The following GFOD2 variants were observed in gnomAD, a reference collection of about 807,000 sequenced individuals.
The protein encoded by GFOD2 is Gfo/Idh/MocA-like oxidoreductase domain containing 2.
A neutral mutation model predicts 24.6 loss-of-function variants in GFOD2; 9 were observed. The ratio of observed to expected loss-of-function variants is 0.37; its 90% CI spans 0.22 to 0.64. GFOD2 has a LOEUF of 0.64. Ranked by LOEUF, GFOD2 falls within the 30% of genes least tolerant of loss-of-function variation. The probability of loss-of-function intolerance (pLI) is 0.65; values close to 1 mark genes in which losing one functional copy is unlikely to be tolerated. For missense variants in GFOD2, 476 were observed against 532.5 expected, an observed-to-expected ratio of 0.89 and a Z score of 1.04; for synonymous variants, 211 against 224.8, an observed-to-expected ratio of 0.94 and a Z score of 0.55.
At chr16:67,680,376 GGATGACACAGCA>G (rs1330120392) in intron 2 of GFOD2, 1 of 152,330 alleles carries the variant, frequency 6.6e-6, no homozygotes, top group Non-Finnish European at 1.5e-5. Context: ...ACTCCAGCGT[GGATGACACAGCA>G]AGACTCTGTC....
intron 1 of GFOD2, among the ~76,000 whole-genome samples, chr16:67,700,403 A>G (rs2053393563): frequency 6.6e-6 from 1 of 151,918 alleles, no homozygotes; most frequent in Non-Finnish European, 1.5e-5. Context: ...TTAATTTAAA[A>G]AATAAAATCA....
intron 1 of GFOD2, among the ~76,000 whole-genome samples, chr16:67,711,601 C>T (rs577719875): frequency 3.9e-5 from 6 of 152,262 alleles, no homozygotes; most frequent in East Asian, 1.9e-4. Flanking sequence ...TGCAAACAAC[C>T]GCCTATTAAC....
At chr16:67,687,507 G>A (rs1385664915) in intron 1 of GFOD2, among the ~76,000 whole-genome samples, 2 of 151,820 alleles carry the variant, frequency 1.3e-5, no homozygotes, top group Non-Finnish European at 2.9e-5. Flanking sequence ...CAGTTGTGGT[G>A]GTGGGTGCCT....
intron 1 of GFOD2, among the ~76,000 whole-genome samples, chr16:67,713,746 A>C (rs1362932113): frequency 6.6e-6 from 1 of 152,142 alleles, no homozygotes; most frequent in South Asian, 2.1e-4. Context: ...TTAACTAGGC[A>C]TGATTGATTA....
At chr16:67,693,285 G>GT (rs113766618) in intron 1 of GFOD2, among the ~76,000 whole-genome samples, 7,286 of 142,876 alleles carry the variant, frequency 0.051, 425 homozygotes, top group African/African-American at 0.15. Context: ...GGCTTTTTGG[G>GT]TTTTTTTTTT....
At chr16:67,705,004 G>C (rs188990781) in intron 1 of GFOD2, among the ~76,000 whole-genome samples, 1 of 152,130 alleles carries the variant, frequency 6.6e-6, no homozygotes, top group Non-Finnish European at 1.5e-5. Flanking sequence ...TCTGAGACCC[G>C]TGGGATGTAA....
In GFOD2 at chr16:67,675,501, T is replaced by C. The variant is rs1198208085; in HGVS notation, c.812A>G (p.Lys271Arg). The C allele has an allele frequency of 1.2e-6, 2 of 1,612,346 alleles. No homozygotes were observed. The highest frequency in any genetic ancestry group is 1.7e-6 in the Non-Finnish European group (2 of 1,180,004). The change falls in exon 3 of 3, where the codon AAG becomes AGG. Residue 271 changes from lysine (K) to arginine (R), a missense_variant. By Grantham distance (26) the Lys-to-Arg change is conservative. Coordinates refer to ENST00000268797, the MANE Select transcript of GFOD2 (RefSeq NM_030819.4). ...CAGCTCCTCTTGCGTGGCAGAGTTCTTCTGCCCATAGAGGTCGGCTCCCCG... is the reference window on the plus strand; with the variant it reads ...CAGCTCCTCTTGCGTGGCAGAGTTCCTCTGCCCATAGAGGTCGGCTCCCCG... ...VARGADLYGQ[K>R]NSATQEELLL...
chr16:67,706,566 C>G (rs890005062), intron 1 of GFOD2, among the ~76,000 whole-genome samples: 1 of 152,074 alleles, frequency 6.6e-6, no homozygotes, highest in Admixed American at 6.6e-5. Context: ...CAAGACAGAT[C>G]AAAGACCTAA....
At position 67,675,821 on chromosome 16, in the gene GFOD2, C is replaced by G. The variant is rs776479533; in HGVS notation, c.492G>C (p.Trp164Cys). The G allele has an allele frequency of 6.2e-7, 1 of 1,614,202 alleles. No homozygotes were observed. Among genetic ancestry groups the G allele is most frequent in the Non-Finnish European group, 8.5e-7 (1 of 1,180,054 alleles). ...CGCCGCCCATGAGCTCATCACAGAT[C>G]CAGCCATAGCTGGGGCTCAGCAGGC... ...SGSLLSPSYG[W>C]ICDELMGGGG... is the part of the protein sequence containing the mutation. The change falls in exon 3 of 3, where the codon TGG becomes TGC. Residue 164 changes from tryptophan to cysteine, a missense_variant. By Grantham distance (215) the Trp-to-Cys change is radical (BLOSUM62 -2). Coordinates refer to ENST00000268797, the MANE Select transcript of GFOD2 (RefSeq NM_030819.4).
chr16:67,676,167 T>C, intron 2 of GFOD2, 114 bp from the exon 3 acceptor site: 2 of 1,084,576 alleles, frequency 1.8e-6, no homozygotes, highest in Non-Finnish European at 2.6e-6. Context: ...AACTAATTTT[T>C]TTTTCTTTTT....
intron 1 of GFOD2, among the ~76,000 whole-genome samples, chr16:67,701,843 T>C (rs1189965895): frequency 6.6e-6 from 1 of 150,744 alleles, no homozygotes. Context: ...GAAACTGCAG[T>C]GTCCTTAAGA....
intron 2 of GFOD2, 59 bp from the exon 3 acceptor site, chr16:67,676,112 C>A: frequency 1.3e-6 from 2 of 1,483,146 alleles, no homozygotes; most frequent in Non-Finnish European, 1.8e-6. Flanking sequence ...CCAGCATGTC[C>A]GCCTGCCCTG....
chr16:67,700,299 C>G (rs1054901081), intron 1 of GFOD2, among the ~76,000 whole-genome samples: 1 of 150,900 alleles, frequency 6.6e-6, no homozygotes, highest in East Asian at 2.0e-4. Flanking sequence ...TGCTTGAACC[C>G]GGGAAGCAGA....
At chr16:67,679,886 C>CAAA (rs796132935) in intron 2 of GFOD2, among the ~76,000 whole-genome samples, 2 of 121,142 alleles carry the variant, frequency 1.7e-5, no homozygotes, top group African/African-American at 5.7e-5. Context: ...GACTTCGTCT[C>CAAA]AAAAAAAAAA....
intron 1 of GFOD2, among the ~76,000 whole-genome samples, chr16:67,709,451 G>C (rs1253736820): frequency 1.3e-5 from 2 of 152,132 alleles, no homozygotes; most frequent in African/African-American, 2.4e-5. Context: ...GCAAAGTGCA[G>C]GATACTTCAG....
chr16:67,708,302 A>G (rs2142997245), intron 1 of GFOD2, among the ~76,000 whole-genome samples: 1 of 152,336 alleles, frequency 6.6e-6, no homozygotes, highest in South Asian at 2.1e-4. Flanking sequence ...AAACAAAAAA[A>G]CCTGTAAGCT....
chr16:67,696,083 G>C (rs1284989201), intron 1 of GFOD2, among the ~76,000 whole-genome samples: 2 of 150,688 alleles, frequency 1.3e-5, no homozygotes, highest in Non-Finnish European at 3.0e-5. Flanking sequence ...GCACGATCTC[G>C]GCTCACTGCA....
intron 2 of GFOD2, chr16:67,682,916 T>C (rs895939267): frequency 1.2e-5 from 9 of 762,200 alleles, no homozygotes; most frequent in African/African-American, 1.9e-5. Flanking sequence ...CACAGATAGC[T>C]GGATCCCAGA....
At chr16:67,682,213 T>G (rs1339877994) in intron 2 of GFOD2, 2 of 322,898 alleles carry the variant, frequency 6.2e-6, no homozygotes, top group East Asian at 3.4e-4. Context: ...AATTTTTGTG[T>G]TTTTAGTATA....
Sources: allele counts gnomAD v4.1 joint callset (sites outside exome capture counted in the v4.1 genomes callset), GRCh38; gene constraint gnomAD v4.1.1; transcripts MANE v1.5; gene names NCBI Gene and HGNC (gene_info 2026-07-23, HGNC 2026-07-21).